The following MEIS2 variants were observed in gnomAD, a reference collection of about 807,000 sequenced individuals.
The protein encoded by MEIS2 is homeobox protein Meis2.
Under a neutral mutation model 58.6 loss-of-function variants are expected in MEIS2, and 9 were observed. That is an observed-to-expected ratio of 0.15 (90% CI 0.09 to 0.27). The LOEUF (loss-of-function observed/expected upper bound fraction) is 0.27. Among genes scored for constraint, MEIS2 ranks in the 10% least tolerant of loss-of-function variants. The pLI is 1.00. For synonymous variants in MEIS2, 221 were observed against 228.4 expected (o/e 0.97, Z 0.29); for missense variants, 427 against 635.0 (o/e 0.67, Z 3.52).
At chr15:36,950,601 A>G (rs1303563588) in intron 8 of MEIS2, among the ~76,000 whole-genome samples, 1 of 152,000 alleles carries the variant, frequency 6.6e-6, no homozygotes, top group Non-Finnish European at 1.5e-5. Context: ...TTTCTGTCAT[A>G]CTCTGTAGGG....
chr15:37,027,938 C>T (rs570026473), intron 8 of MEIS2, among the ~76,000 whole-genome samples: 7 of 152,240 alleles, frequency 4.6e-5, no homozygotes, highest in Admixed American at 6.5e-5. Context: ...TACATTGACA[C>T]ATCATAATCA....
At chr15:37,050,955 G>C (rs1441861129) in intron 7 of MEIS2, 2 of 152,322 alleles carry the variant, frequency 1.3e-5, no homozygotes, top group East Asian at 3.9e-4. Context: ...TATTGGTTGA[G>C]TATGACCTCA....
intron 9 of MEIS2, among the ~76,000 whole-genome samples, chr15:36,947,460 C>T (rs1595784171): frequency 6.6e-6 from 1 of 151,928 alleles, no homozygotes; most frequent in Non-Finnish European, 1.5e-5. Flanking sequence ...TCATCAAGTG[C>T]GTGAAGCCAT....
At chr15:37,098,380 GAGAGAGAGAGAGAGA>G in intron 1 of MEIS2, 181 bp from the exon 2 acceptor site, 1 of 335,462 alleles carries the variant, frequency 3.0e-6, no homozygotes, top group African/African-American at 1.0e-4. Flanking sequence ...AGGAGAGGGG[GAGAGAGAGAGAGAGA>G]GAGAGAGAGA....
chr15:37,008,035 G>A (rs141734038), intron 8 of MEIS2, among the ~76,000 whole-genome samples: 364 of 152,216 alleles, frequency 2.4e-3, no homozygotes, highest in African/African-American at 8.4e-3. Flanking sequence ...ATGTTAAATC[G>A]AACGCAGAGA....
intron 8 of MEIS2, among the ~76,000 whole-genome samples, chr15:37,018,279 A>G (rs1007528394): frequency 2.0e-5 from 3 of 152,164 alleles, no homozygotes; most frequent in African/African-American, 7.2e-5. Flanking sequence ...AATAAGAAAC[A>G]ATTACTGGAC....
intron 8 of MEIS2, among the ~76,000 whole-genome samples, chr15:36,956,942 A>T (rs1292142720): frequency 6.6e-6 from 1 of 151,798 alleles, no homozygotes; most frequent in East Asian, 1.9e-4. Context: ...AGGAGGAAGA[A>T]GAAAAAGGAA....
chr15:36,941,286 T>G (rs2058365977), intron 9 of MEIS2, among the ~76,000 whole-genome samples: 2 of 152,174 alleles, frequency 1.3e-5, no homozygotes, highest in Admixed American at 1.3e-4. Context: ...GGTGCTAATT[T>G]CTACAACCTT....
At chr15:36,908,231 A>T (rs188180295) in intron 9 of MEIS2, among the ~76,000 whole-genome samples, 1 of 152,338 alleles carries the variant, frequency 6.6e-6, no homozygotes, top group Admixed American at 6.5e-5. Context: ...CAGAGATGTT[A>T]TACGCAGTCT....
intron 8 of MEIS2, among the ~76,000 whole-genome samples, chr15:37,009,889 T>G (rs1231159632): frequency 6.6e-6 from 1 of 152,186 alleles, no homozygotes; most frequent in Non-Finnish European, 1.5e-5. Context: ...ATTAAAAAAC[T>G]AAATCAGTTA....
chr15:36,974,493 C>T (rs1043779577), intron 8 of MEIS2, among the ~76,000 whole-genome samples: 15 of 152,288 alleles, frequency 9.8e-5, no homozygotes, highest in African/African-American at 3.4e-4. Context: ...TGACATACCA[C>T]GTTAACATTT....
At chr15:36,908,078 A>G (rs62002392) in intron 9 of MEIS2, among the ~76,000 whole-genome samples, 16,306 of 152,270 alleles carry the variant, frequency 0.11, 891 homozygotes, top group East Asian at 0.13. Context: ...ATTCATGAAT[A>G]CATGACTTAA....
chr15:37,016,541 G>A (rs2061355323), intron 8 of MEIS2, among the ~76,000 whole-genome samples: 1 of 152,120 alleles, frequency 6.6e-6, no homozygotes, highest in African/African-American at 2.4e-5. Context: ...AAAGGGATCA[G>A]TGAAGTAAGA....
chr15:36,893,814 T>A (rs927769735), intron 11 of MEIS2, among the ~76,000 whole-genome samples: 3 of 152,142 alleles, frequency 2.0e-5, no homozygotes, highest in African/African-American at 7.2e-5. Flanking sequence ...CCCCCTGAGC[T>A]CCCCTATAAA....
At chr15:36,963,310 G>T (rs576155074) in intron 8 of MEIS2, among the ~76,000 whole-genome samples, 46 of 151,784 alleles carry the variant, frequency 3.0e-4, no homozygotes, top group African/African-American at 1.1e-3. Context: ...AACCTGGGAC[G>T]CAGAGTTTGC....
chr15:36,954,337 T>C (rs1595799731), intron 8 of MEIS2, among the ~76,000 whole-genome samples: 1 of 151,236 alleles, frequency 6.6e-6, no homozygotes. Flanking sequence ...CACTGAATCA[T>C]GTTGTGTAGG....
intron 8 of MEIS2, among the ~76,000 whole-genome samples, chr15:36,987,540 A>T (rs2060133628): frequency 6.6e-6 from 1 of 152,168 alleles, no homozygotes; most frequent in South Asian, 2.1e-4. Flanking sequence ...AGTCAGAATC[A>T]GGTTGGAGTT....
At chr15:37,080,267 C>T (rs1049330766) in intron 7 of MEIS2, among the ~76,000 whole-genome samples, 5 of 152,014 alleles carry the variant, frequency 3.3e-5, no homozygotes, top group African/African-American at 4.8e-5. Context: ...AAACTTGGCA[C>T]GAAATACTTA....
At chr15:36,910,339 T>A (rs1408748923) in intron 9 of MEIS2, among the ~76,000 whole-genome samples, 1 of 152,150 alleles carries the variant, frequency 6.6e-6, no homozygotes, top group Non-Finnish European at 1.5e-5. Context: ...GTCAAAAAAA[T>A]ATGGAGAAAA....
Sources: allele counts gnomAD v4.1 joint callset (sites outside exome capture counted in the v4.1 genomes callset), GRCh38; gene constraint gnomAD v4.1.1; transcripts MANE v1.5; gene names NCBI Gene and HGNC (gene_info 2026-07-23, HGNC 2026-07-21).